LTBP3: variants seen among roughly 807,000 people sequenced by gnomAD.
LTBP3 encodes the protein latent transforming growth factor beta binding protein 3.
LTBP3 carries 97 observed loss-of-function variants against 159.7 expected under a neutral mutation model. The observed-to-expected ratio is 0.61, with a 90% CI of 0.52 to 0.72. LTBP3 has a LOEUF of 0.72. Among genes scored for constraint, LTBP3 ranks in the 30% least tolerant of loss-of-function variants. LTBP3 has a pLI of 0.00. For missense variants in LTBP3, 1,584 were observed against 1,864.3 expected (o/e 0.85, Z 2.77); for synonymous variants, 824 against 777.1 (o/e 1.06, Z -1.00).
In LTBP3 at chr11:65,547,057, G is replaced by A. The variant is rs985778466; in HGVS notation, c.2108-137C>T. On this transcript the variant is annotated intron_variant, in intron 14 of 27. Coordinates refer to ENST00000301873, the MANE Select transcript of LTBP3 (RefSeq NM_001130144.3). The surrounding 1 kb of genome is among the most constrained non-coding windows in gnomAD (Gnocchi z 4.6). ...CCCAACCTCTGAGAGGCCCAGAGCC[G>A]AGCATACAGGCCGGGTGCGGTGGCA... 2.0e-5 allele frequency: 26 copies of A among 1,278,548 alleles called. No individual in the cohort carries two copies. Among genetic ancestry groups the A allele is most frequent in the Middle Eastern group, 2.0e-4 (1 of 4,928 alleles). The allele number at this position is 1,278,548 out of a possible 1,614,324, so 79.2% of individuals were successfully genotyped here.
Position 65,552,083 on chromosome 11 carries a change from C to G in LTBP3, c.1420G>C (p.Gly474Arg). ...AGGAAAAGGGAAAAGTCACTCTCGC[C>G]CTGAATGGTGAGCGTCTGGTGGGAG... ...LTSHQTLTIQ[G>R]ESDFSLFLHP... The change falls in exon 8 of 28, where the codon GGC becomes CGC. Residue 474 changes from glycine (G) to arginine (R), a missense_variant. Physicochemically the swap from Gly to Arg is moderately radical, Grantham distance 125 (BLOSUM62 -2). Coordinates refer to ENST00000301873, the MANE Select transcript of LTBP3 (RefSeq NM_001130144.3). The surrounding 1 kb of genome is among the most constrained non-coding windows in gnomAD (Gnocchi z 6.0). The G allele has an allele frequency of 6.2e-7, 1 of 1,614,116 alleles. No individual in the cohort carries two copies. The highest frequency in any genetic ancestry group is 8.5e-7 in the Non-Finnish European group (1 of 1,180,016).
In LTBP3 at chr11:65,538,633, T is replaced by C. The variant is rs1855862210; in HGVS notation, c.*447A>G. 8 of 1,533,178 alleles carry C rather than the reference T, an allele frequency of 5.2e-6. No homozygotes were observed. The highest frequency in any genetic ancestry group is 4.9e-5 in the South Asian group (4 of 82,008). 95.0% of individuals were successfully genotyped at this position (1,533,178 alleles called of 1,614,324 possible). A position where few individuals can be genotyped will look rare whatever the true frequency, so the allele number is the denominator to read the frequency against. ...ACAGATGTATTTATTGTACAAACCA[T>C]GTGAGCCCGGCCGGCCCAGCCAGGC... On this transcript the variant is annotated 3_prime_UTR_variant, in exon 28 of 28. Transcript: ENST00000301873.
chr11:65,552,132 A>T lies in LTBP3; in HGVS notation c.1371T>A (p.Ala457=). ...AGGTGAGAATGTGGTATCCCTTCCC[A>T]GCTGGGCAGATCTCCTTGAACGCAG... ...GTAAFKEICP[A]GKGYHILTSH... is the part of the protein sequence containing the mutation. The change falls in exon 8 of 28, where the codon GCT becomes GCA. Residue 457 remains alanine (A), a synonymous_variant. Transcript: ENST00000301873. This position sits in a 1 kb window ranked among gnomAD's most constrained non-coding sequence, Gnocchi z 6.0. 6.2e-7 allele frequency: 1 copy of T among 1,614,160 alleles called. No individual in the cohort carries two copies. The highest frequency in any genetic ancestry group is 1.1e-5 in the South Asian group (1 of 91,086).
intron 23 of LTBP3, 27 bp from the exon 24 acceptor site, chr11:65,540,180 G>A (rs960070622): frequency 3.8e-5 from 59 of 1,537,942 alleles, no homozygotes; most frequent in Non-Finnish European, 4.5e-5. Context: ...GGTGGGTGGG[G>A]GCCGTCACAG....
At chr11:65,540,795 C>A (rs1417938642) in intron 21 of LTBP3, 76 bp downstream of exon 21, 4 of 1,511,362 alleles carry the variant, frequency 2.6e-6, no homozygotes, top group African/African-American at 1.4e-5. Flanking sequence ...GCTGACCCAG[C>A]GAGTCCCGGC....
At chr11:65,540,821 C>T in intron 21 of LTBP3, 50 bp downstream of exon 21, 1 of 1,561,462 alleles carries the variant, frequency 6.4e-7, no homozygotes, top group Non-Finnish European at 8.7e-7. Context: ...CCGGGCGAGC[C>T]CAACCCGGGG....
chr11:65,549,324 T>C (rs950818404), intron 11 of LTBP3, among the ~76,000 whole-genome samples: 1 of 152,280 alleles, frequency 6.6e-6, no homozygotes, highest in South Asian at 2.1e-4. Context: ...GTTTCATGCT[T>C]CCATGCCTTT....
chr11:65,538,586 C>T lies in LTBP3; in HGVS notation c.*494G>A, dbSNP rs762512802. The T allele has an allele frequency of 1.2e-6, 2 of 1,604,710 alleles. No individual in the cohort carries two copies. The highest frequency in any genetic ancestry group is 2.2e-5 in the South Asian group (2 of 90,460). ...GACTGAACCGTGGCGGTGGCCCTTC[C>T]CGGCTGCGGAGAGCCCGCCCCACAG... On this transcript the variant is annotated 3_prime_UTR_variant, in exon 28 of 28. Coordinates refer to ENST00000301873, the MANE Select transcript of LTBP3 (RefSeq NM_001130144.3).
At position 65,539,041 on chromosome 11, in the gene LTBP3, T is replaced by C. The variant is rs1344461987; in HGVS notation, c.*39A>G. 3.0e-6 allele frequency: 4 copies of C among 1,338,574 alleles called. No individual in the cohort carries two copies. The highest frequency in any genetic ancestry group is 3.8e-6 in the Non-Finnish European group (4 of 1,046,608). 82.9% of individuals were successfully genotyped at this position (1,338,574 alleles called of 1,614,324 possible). ...GGCCGAGCTCGCGGAAATCCCTCAG[T>C]GATCACCGAGGTCTGGGCCGAGGGC... is the stretch of plus-strand genomic sequence containing the variant. On this transcript the variant is annotated 3_prime_UTR_variant, in exon 28 of 28. Transcript: ENST00000301873.
In LTBP3 at chr11:65,552,820, T is replaced by C; in HGVS notation, c.1186+40A>G. ...GATCTCTGATCCTTGCTCCCACCCA[T>C]GCCTTGTGACCTCCCAGGAACCTGA... On this transcript the variant is annotated intron_variant, in intron 6 of 27. Coordinates refer to ENST00000301873, the MANE Select transcript of LTBP3 (RefSeq NM_001130144.3). This position sits in a 1 kb window ranked among gnomAD's most constrained non-coding sequence, Gnocchi z 6.0. 6.2e-7 allele frequency: 1 copy of C among 1,613,984 alleles called. No homozygotes were observed. The highest frequency in any genetic ancestry group is 8.5e-7 in the Non-Finnish European group (1 of 1,179,932).
rs1280327122 is a variant in LTBP3 at position 65,540,042 on chromosome 11, C to A, written c.3356G>T (p.Arg1119Leu). The change falls in exon 24 of 28, where the codon CGC becomes CTC. Residue 1119 changes from arginine (R) to leucine (L), a missense_variant. Around this residue, in one of 6 missense-constraint regions of LTBP3, gnomAD observed 514 missense variants for 530.3 expected, o/e 0.97. Transcript: ENST00000301873. ...RPPWVPGPSG[R>L]DCQLPESPAE... ...CGGGCTCTCGGGGAGCTGGCAATCGCGGCCGGAGGGCCCGGGCACCCAGGG... is the reference window on the plus strand; with the variant it reads ...CGGGCTCTCGGGGAGCTGGCAATCGAGGCCGGAGGGCCCGGGCACCCAGGG... 3 of 1,516,642 alleles carry A rather than the reference C, an allele frequency of 2.0e-6. No individual in the cohort carries two copies. The South Asian group carries it at 3.6e-5, about 18-fold the overall frequency. The allele number at this position is 1,516,642 out of a possible 1,614,324, so 93.9% of individuals were successfully genotyped here. A position where few individuals can be genotyped will look rare whatever the true frequency, so the allele number is the denominator to read the frequency against.
rs762809010 is a variant in LTBP3, at chr11:65,541,265, C to G, written c.2754G>C (p.Glu918Asp). The change falls in exon 20 of 28, where the codon GAG (glutamate) becomes GAC (aspartate). Residue 918 changes from glutamate (E) to aspartate (D), a missense_variant. Physicochemically the swap from Glu to Asp is conservative, Grantham distance 45 (BLOSUM62 2). Transcript: ENST00000301873. Reference sequence around the variant, plus strand: ...CTGTGTCATCGAAGTTCAGGTAGCACTCCTTCTTGTGGTGGGGCTGCTCCA... The same window carrying G: ...CTGTGTCATCGAAGTTCAGGTAGCAGTCCTTCTTGTGGTGGGGCTGCTCCA... ...EEVEQPHHKK[E>D]CYLNFDDTVF... 6.2e-7 allele frequency: 1 copy of G among 1,612,948 alleles called. No individual in the cohort carries two copies. The highest frequency in any genetic ancestry group is 1.7e-5 in the Admixed American group (1 of 60,006).
chr11:65,540,225 C>T lies in LTBP3; in HGVS notation c.3244+20G>A. ...GGCCCCGCCCCTCCCGCGTACCCCA[C>T]TCCCCGGCCCGGGCCTCACCCATCT... On this transcript the variant is annotated intron_variant, in intron 23 of 27. Coordinates refer to ENST00000301873, the MANE Select transcript of LTBP3 (RefSeq NM_001130144.3). 6.5e-7 allele frequency: 1 copy of T among 1,548,274 alleles called. No homozygotes were observed. Among genetic ancestry groups the T allele is most frequent in the Non-Finnish European group, 8.7e-7 (1 of 1,146,438 alleles).
chr11:65,540,703 C>CGGGGGGGGCCTACAGGAG, intron 21 of LTBP3, 89 bp from the exon 22 acceptor site: 5 of 1,243,470 alleles, frequency 4.0e-6, no homozygotes, highest in Non-Finnish European at 3.4e-6. Context: ...AAGCCATCCC[C>CGGGGGGGGCCTACAGGAG]GGGCGGGGCC....
Position 65,539,378 on chromosome 11 carries a change from CACACGGCGCCGCCCGGCCGCG to C in LTBP3, c.3689_3709del (p.Pro1230_Cys1237delinsArg). Reference sequence around the variant, plus strand: ...GAGCTGGAAGCCGCCGGGACACTCGCACACGGCGCCGCCCGGCCGCGGCACGCAGCGGCCACTCACGCAGCG... The same window carrying C: ...GAGCTGGAAGCCGCCGGGACACTCGCGCACGCAGCGGCCACTCACGCAGCG... On this transcript the variant is annotated inframe_deletion, in exon 27 of 28. Coordinates refer to ENST00000301873, the MANE Select transcript of LTBP3 (RefSeq NM_001130144.3). 1 of 1,543,622 alleles carries C rather than the reference CACACGGCGCCGCCCGGCCGCG, an allele frequency of 6.5e-7. No individual in the cohort carries two copies. The highest frequency in any genetic ancestry group is 8.7e-7 in the Non-Finnish European group (1 of 1,143,298).
Position 65,540,767 on chromosome 11 carries a change from G to A in LTBP3, c.2977+104C>T. 2.9e-6 allele frequency: 4 copies of A among 1,392,652 alleles called. No homozygotes were observed. In the East Asian group the frequency reaches 9.8e-5, roughly 34 times the overall value. The allele number at this position is 1,392,652 out of a possible 1,614,324, so 86.3% of individuals were successfully genotyped here. On this transcript the variant is annotated intron_variant, in intron 21 of 27. Coordinates refer to ENST00000301873, the MANE Select transcript of LTBP3 (RefSeq NM_001130144.3). The stretch of plus-strand genomic sequence containing the variant: ...GGCCTGCGAGGAAGGTGCGGGCGGG[G>A]CTTACCCGGCGCGGGCAGCTGACCC...
Position 65,539,829 on chromosome 11 carries a change from G to A in LTBP3, c.3438C>T (p.Gly1146=), listed in dbSNP as rs766787396. 1.7e-4 allele frequency: 258 copies of A among 1,528,298 alleles called. No homozygotes were observed. The highest frequency in any genetic ancestry group is 2.1e-4 in the Non-Finnish European group (243 of 1,144,476). 94.7% of individuals were successfully genotyped at this position (1,528,298 alleles called of 1,614,324 possible). The stretch of plus-strand genomic sequence containing the variant: ...GCCCGGCCAGGGGGCCAGCGCACAT[G>A]CCGTCCTCTCCGCGCTGGCTCCAGC... ...DVCWSQRGED[G]MCAGPLAGPA... Residue 1146 remains glycine, a synonymous_variant, in exon 25 of 28, where the codon GGC becomes GGT. Coordinates refer to ENST00000301873, the MANE Select transcript of LTBP3 (RefSeq NM_001130144.3).
Position 65,539,369 on chromosome 11 carries a change from G to T in LTBP3, c.3719C>A (p.Pro1240His). 2 of 1,540,862 alleles carry T rather than the reference G, an allele frequency of 1.3e-6. No homozygotes were observed. Among genetic ancestry groups the T allele is most frequent in the East Asian group, 2.5e-5 (1 of 40,320 alleles). Residue 1240 changes from proline (P) to histidine (H), a missense_variant, in exon 27 of 28, where the codon CCC becomes CAC. This residue lies in a region of LTBP3 where 514 missense variants were observed against 530.3 expected (regional missense o/e 0.97). Coordinates refer to ENST00000301873, the MANE Select transcript of LTBP3 (RefSeq NM_001130144.3). ...GGAGGCGTCGAGCTGGAAGCCGCCG[G>T]GACACTCGCACACGGCGCCGCCCGG... ...PRPGGAVCEC[P>H]GGFQLDASRA...
At position 65,541,108 on chromosome 11, in the gene LTBP3, G is replaced by A; in HGVS notation, c.2893+18C>T. 6.2e-7 allele frequency: 1 copy of A among 1,609,540 alleles called. No homozygotes were observed. On this transcript the variant is annotated intron_variant, in intron 20 of 27. Coordinates refer to ENST00000301873, the MANE Select transcript of LTBP3 (RefSeq NM_001130144.3). ...GAAGAAACTGAAGATCTGGGAAGGG[G>A]CCTGCCCGGCTCCTGACCTGAGCTG...
Sources: gnomAD v4.1 joint callset for allele counts (sites outside exome capture counted in the v4.1 genomes callset) on GRCh38, gnomAD v4.1.1 for gene constraint, gnomAD v4.1.1 regional missense constraint, Gnocchi (gnomAD v3.1) non-coding constraint, MANE v1.5 for transcripts, NCBI Gene and HGNC (gene_info 2026-07-23, HGNC 2026-07-21) for gene names.